Variants in NPR3 observed in about 807,000 individuals in gnomAD.
The protein encoded by NPR3 is atrial natriuretic peptide receptor 3.
NPR3 carries 34 observed loss-of-function variants against 54.5 expected under a neutral mutation model. The ratio of observed to expected loss-of-function variants is 0.62; its 90% confidence interval spans 0.47 to 0.83. The LOEUF (loss-of-function observed/expected upper bound fraction) is 0.83. Ranked by LOEUF, NPR3 falls within the 40% of genes least tolerant of loss-of-function variation. NPR3 has a pLI of 0.00. For synonymous variants in NPR3, 289 were observed against 297.1 expected (o/e 0.97, Z 0.28); for missense variants, 674 against 720.8 (o/e 0.94, Z 0.74).
chr5:32,768,627 GC>G (rs1232764079), intron 3 of NPR3, among the ~76,000 whole-genome samples: 1 of 152,030 alleles, frequency 6.6e-6, no homozygotes, highest in East Asian at 1.9e-4. Context: ...GTGAATGAGG[GC>G]CCTAACTCTA....
intron 1 of NPR3, among the ~76,000 whole-genome samples, chr5:32,721,341 T>G (rs1359156328): frequency 6.6e-6 from 1 of 152,214 alleles, no homozygotes; most frequent in Non-Finnish European, 1.5e-5. Flanking sequence ...TCTCTTTTGC[T>G]CAGTCTAAGT....
chr5:32,709,089 G>T (rs918835139), upstream of NPR3, among the ~76,000 whole-genome samples: 1 of 152,044 alleles, frequency 6.6e-6, no homozygotes, highest in African/African-American at 2.4e-5. Flanking sequence ...CTGTTGAACT[G>T]CAGGCGAGGC....
chr5:32,785,092 A>G (rs937905382), intron 7 of NPR3, among the ~76,000 whole-genome samples: 1 of 149,848 alleles, frequency 6.7e-6, no homozygotes, highest in Non-Finnish European at 1.5e-5. Context: ...GGTTTTGACT[A>G]CATCTCACAG....
At chr5:32,721,619 C>T (rs141840522) in intron 1 of NPR3, among the ~76,000 whole-genome samples, 25 of 152,154 alleles carry the variant, frequency 1.6e-4, no homozygotes, top group Middle Eastern at 3.4e-3. Context: ...CACTCTTGTC[C>T]GGGTGACAGA....
chr5:32,712,418 C>T lies in NPR3; in HGVS notation c.642C>T (p.Tyr214=), dbSNP rs770755725. ...ACGACAAGCTGGAGCGGAACTGCTA[C>T]TTCACCCTCGAGGGGGTCCACGAGG... ...YSDDKLERNC[Y]FTLEGVHEVF... The change falls in exon 1 of 8, where the codon TAC becomes TAT. Residue 214 remains tyrosine, a synonymous_variant. Coordinates refer to ENST00000265074, the MANE Select transcript of NPR3 (RefSeq NM_001204375.2). 3 of 1,613,136 alleles carry T rather than the reference C, an allele frequency of 1.9e-6. No homozygotes were observed. Among genetic ancestry groups the T allele is most frequent in the Non-Finnish European group, 2.5e-6 (3 of 1,179,624 alleles).
chr5:32,740,608 G>GA (rs143192275), intron 3 of NPR3, among the ~76,000 whole-genome samples: 20,900 of 144,368 alleles, frequency 0.14, 1,896 homozygotes, highest in African/African-American at 0.26. Flanking sequence ...TTGAAAAAGT[G>GA]AAAAAAAAAA....
intron 1 of NPR3, among the ~76,000 whole-genome samples, chr5:32,721,434 G>A (rs1738854680): frequency 6.6e-6 from 1 of 152,206 alleles, no homozygotes; most frequent in Admixed American, 6.5e-5. Context: ...GGCCCACGGT[G>A]GGCCGATCAC....
rs1322865259 is a variant in NPR3, at chr5:32,788,773, C to A, written c.*2428C>A. ...GTATTCTAAAAGTGGCAGAACAAAT[C>A]ATGAGGTTTCTGGATGCTATACCAA... is the stretch of plus-strand genomic sequence containing the variant. On this transcript the variant is annotated 3_prime_UTR_variant, in exon 8 of 8. Coordinates refer to ENST00000265074, the MANE Select transcript of NPR3 (RefSeq NM_001204375.2). The A allele has an allele frequency of 6.6e-6, 1 of 152,182 alleles. No homozygotes were observed. Among genetic ancestry groups the A allele is most frequent in the Non-Finnish European group, 1.5e-5 (1 of 68,044 alleles). The allele number at this position is 152,182 out of a possible 1,614,324, so 9.4% of individuals were successfully genotyped here.
At chr5:32,774,903 T>C in intron 4 of NPR3, 60 bp downstream of exon 4, 2 of 1,375,030 alleles carry the variant, frequency 1.5e-6, no homozygotes, top group South Asian at 1.2e-5. Context: ...CTTTTCTGGT[T>C]CTGTATTTCT....
chr5:32,764,025 T>C (rs16890250), intron 3 of NPR3, among the ~76,000 whole-genome samples: 19,072 of 152,188 alleles, frequency 0.13, 1,460 homozygotes, highest in African/African-American at 0.2. Flanking sequence ...AGGGTTTTCA[T>C]GGAAAGTCTG....
intron 1 of NPR3, among the ~76,000 whole-genome samples, chr5:32,701,491 C>T (rs1045541510): frequency 6.6e-6 from 1 of 152,206 alleles, no homozygotes; most frequent in African/African-American, 2.4e-5. Flanking sequence ...GTATCTTTGT[C>T]TTCCCAGGAT....
At position 32,787,335 on chromosome 5, in the gene NPR3, C is replaced by G. The variant is rs893545413; in HGVS notation, c.*990C>G. On this transcript the variant is annotated 3_prime_UTR_variant, in exon 8 of 8. Coordinates refer to ENST00000265074, the MANE Select transcript of NPR3 (RefSeq NM_001204375.2). Reference sequence around the variant, plus strand: ...ACATTTTAACTCTTTTGCGTTTTTACTGTTTAACTGTTTTAAATGCAAGTT... The same window carrying G: ...ACATTTTAACTCTTTTGCGTTTTTAGTGTTTAACTGTTTTAAATGCAAGTT... 4 of 152,198 alleles carry G rather than the reference C, an allele frequency of 2.6e-5. No homozygotes were observed. Among genetic ancestry groups the G allele is most frequent in the African/African-American group, 9.7e-5 (4 of 41,442 alleles). The allele number at this position is 152,198 out of a possible 1,614,324, so 9.4% of individuals were successfully genotyped here.
In NPR3 at chr5:32,788,491, A is replaced by G. The variant is rs1365162754; in HGVS notation, c.*2146A>G. The G allele has an allele frequency of 6.6e-6, 1 of 152,124 alleles. No individual in the cohort carries two copies. The highest frequency in any genetic ancestry group is 1.5e-5 in the Non-Finnish European group (1 of 68,028). 9.4% of individuals were successfully genotyped at this position (152,124 alleles called of 1,614,324 possible). A position where few individuals can be genotyped will look rare whatever the true frequency, so the allele number is the denominator to read the frequency against. On this transcript the variant is annotated 3_prime_UTR_variant, in exon 8 of 8. Coordinates refer to ENST00000265074, the MANE Select transcript of NPR3 (RefSeq NM_001204375.2). The stretch of plus-strand genomic sequence containing the variant: ...ATGATGTTTTCTTTATATTTTAGAG[A>G]TATTCATTTTCTCTTATCTTGTGCT...
intron 2 of NPR3, among the ~76,000 whole-genome samples, chr5:32,734,198 TG>T (rs2111927785): frequency 6.6e-6 from 1 of 151,884 alleles, no homozygotes; most frequent in East Asian, 1.9e-4. Flanking sequence ...TTGGAGAGGG[TG>T]GGGGTAAGCC....
chr5:32,734,295 G>A (rs993092967), intron 2 of NPR3, among the ~76,000 whole-genome samples: 1 of 152,156 alleles, frequency 6.6e-6, no homozygotes, highest in Non-Finnish European at 1.5e-5. Context: ...TGAATGCTTA[G>A]CATTCATTTT....
Position 32,712,321 on chromosome 5 carries a change from C to T in NPR3, c.545C>T (p.Ala182Val). 1 of 1,613,430 alleles carries T rather than the reference C, an allele frequency of 6.2e-7. No homozygotes were observed. Among genetic ancestry groups the T allele is most frequent in the Non-Finnish European group, 8.5e-7 (1 of 1,179,720 alleles). ...CTCACGCGCGTGGCGCCCGCCTACGCCAAGATGGGCGAGATGATGCTCGCC... is the reference window on the plus strand; with the variant it reads ...CTCACGCGCGTGGCGCCCGCCTACGTCAAGATGGGCGAGATGATGCTCGCC... ...SHLTRVAPAYAKMGEMMLALF... is the reference protein window; with the variant it reads ...SHLTRVAPAYVKMGEMMLALF... Residue 182 changes from alanine to valine, a missense_variant, in exon 1 of 8, where the codon GCC (alanine) becomes GTC (valine). Coordinates refer to ENST00000265074, the MANE Select transcript of NPR3 (RefSeq NM_001204375.2).
chr5:32,767,123 A>T (rs768968181), intron 3 of NPR3, among the ~76,000 whole-genome samples: 1 of 152,246 alleles, frequency 6.6e-6, no homozygotes, highest in Non-Finnish European at 1.5e-5. Flanking sequence ...CACAGCATAC[A>T]TGCTCACTTG....
chr5:32,769,237 A>T (rs1385673797), intron 3 of NPR3, among the ~76,000 whole-genome samples: 1 of 152,168 alleles, frequency 6.6e-6, no homozygotes, highest in Non-Finnish European at 1.5e-5. Flanking sequence ...ACAAAAATCG[A>T]TATTCTATTT....
At chr5:32,709,812 A>G (rs1181101621), upstream of NPR3, 2 of 141,300 alleles carry the variant, frequency 1.4e-5, no homozygotes, top group South Asian at 2.1e-4. Flanking sequence ...CACCGTCGCA[A>G]GTGAGAACCA....
Sources: gnomAD v4.1 joint callset for allele counts (sites outside exome capture counted in the v4.1 genomes callset) on GRCh38, gnomAD v4.1.1 for gene constraint, MANE v1.5 for transcripts, NCBI Gene and HGNC (gene_info 2026-07-23, HGNC 2026-07-21) for gene names.